TENM2: variants seen among roughly 807,000 people sequenced by gnomAD.
TENM2 encodes the protein teneurin transmembrane protein 2.
Under a neutral mutation model 245.2 loss-of-function variants are expected in TENM2, and 52 were observed. The observed-to-expected ratio is 0.21, with a 90% CI of 0.17 to 0.27. The LOEUF (loss-of-function observed/expected upper bound fraction) is 0.27, where lower values mean the gene tolerates loss of function less well. Among genes scored for constraint, TENM2 ranks in the 10% least tolerant of loss-of-function variants. The pLI, the probability that TENM2 is intolerant of heterozygous loss-of-function variation, is 1.00. For missense variants in TENM2, 3,046 were observed against 3,666.8 expected, an observed-to-expected ratio of 0.83 and a Z score of 4.37; for synonymous variants, 1,363 against 1,438.9, an observed-to-expected ratio of 0.95 and a Z score of 1.19.
At chr5:167,792,101 C>A (rs1765019002) in intron 2 of TENM2, among the ~76,000 whole-genome samples, 1 of 152,256 alleles carries the variant, frequency 6.6e-6, no homozygotes, top group African/African-American at 2.4e-5. Flanking sequence ...AAAAGCAGGT[C>A]AAGACAGCTG....
At chr5:167,524,094 C>T (rs952704423) in intron 2 of TENM2, among the ~76,000 whole-genome samples, 2 of 152,156 alleles carry the variant, frequency 1.3e-5, no homozygotes, top group South Asian at 2.1e-4. Flanking sequence ...TCCATATAGA[C>T]CATAATCCCT....
chr5:167,301,811 C>T (rs1219765788), intron 1 of TENM2, among the ~76,000 whole-genome samples: 1 of 152,006 alleles, frequency 6.6e-6, no homozygotes, highest in East Asian at 1.9e-4. Flanking sequence ...CTCCAGCCAC[C>T]TTTTTAAGAG....
At chr5:167,603,008 T>C (rs1381955897) in intron 2 of TENM2, among the ~76,000 whole-genome samples, 1 of 152,068 alleles carries the variant, frequency 6.6e-6, no homozygotes, top group Non-Finnish European at 1.5e-5. Context: ...ACATCAAGAA[T>C]AAGAATTGTA....
In TENM2 at chr5:167,907,524, A is replaced by AATATATAT. The variant is rs56159044; in HGVS notation, c.712+31370_712+31377dup. Among the ~76,000 whole-genome samples the AATATATAT allele has an allele frequency of 1.4e-3, 107 of 78,232 alleles. 1 individual carries two copies. Among genetic ancestry groups the AATATATAT allele is most frequent in the Non-Finnish European group, 2.0e-3 (72 of 35,544 alleles). The allele number at this position is 78,232 out of a possible 152,430, so 51.3% of individuals were successfully genotyped here. ...TAGTAATTTTGTTTAGATCACCCTA[A>AATATATAT]ATATATATATATATATATATATATA... On this transcript the variant is annotated intron_variant, in intron 3 of 28. Coordinates refer to ENST00000518659, the Ensembl canonical transcript of TENM2.
intron 2 of TENM2, among the ~76,000 whole-genome samples, chr5:167,801,338 G>T (rs1765756622): frequency 6.6e-6 from 1 of 151,590 alleles, no homozygotes; most frequent in Non-Finnish European, 1.5e-5. Context: ...CAATAAGTTG[G>T]TGCCAGCATA....
chr5:168,063,478 G>A (rs1790223944), intron 7 of TENM2, among the ~76,000 whole-genome samples: 1 of 151,862 alleles, frequency 6.6e-6, no homozygotes, highest in Admixed American at 6.6e-5. Context: ...TTCCTGCCTT[G>A]TATGCCCTCA....
At chr5:167,762,283 C>T (rs538247281) in intron 2 of TENM2, among the ~76,000 whole-genome samples, 2 of 152,310 alleles carry the variant, frequency 1.3e-5, no homozygotes, top group Non-Finnish European at 2.9e-5. Context: ...CCCCAAAGAC[C>T]TTTGTTTCAC....
intron 6 of TENM2, among the ~76,000 whole-genome samples, chr5:168,048,406 C>T (rs556318346): frequency 6.6e-6 from 1 of 152,312 alleles, no homozygotes; most frequent in Non-Finnish European, 1.5e-5. Context: ...ATAGCCACTT[C>T]ACCCCCACAT....
At chr5:166,985,342 C>G in the TENM2 span, among the ~76,000 whole-genome samples, 1 of 152,104 alleles carries the variant, frequency 6.6e-6, no homozygotes, top group African/African-American at 2.4e-5. Flanking sequence ...AGGATGCAGA[C>G]AAGAGGAAAA....
At chr5:167,353,674 A>AT (rs947772432) in intron 1 of TENM2, among the ~76,000 whole-genome samples, 2 of 151,004 alleles carry the variant, frequency 1.3e-5, no homozygotes, top group African/African-American at 4.9e-5. Flanking sequence ...CGCCCGGCTA[A>AT]TTTTTTGTAT....
chr5:168,075,919 C>A (rs1315569291), intron 7 of TENM2, among the ~76,000 whole-genome samples: 1 of 152,128 alleles, frequency 6.6e-6, no homozygotes, highest in East Asian at 1.9e-4. Flanking sequence ...GTGACCTATT[C>A]ACTATCATGA....
intron 2 of TENM2, among the ~76,000 whole-genome samples, chr5:167,566,356 C>A (rs1414878459): frequency 6.6e-6 from 1 of 152,112 alleles, no homozygotes; most frequent in East Asian, 1.9e-4. Context: ...GTTGTAATTC[C>A]ATCACATTAC....
chr5:167,299,952 G>T (rs1414310508), intron 1 of TENM2, among the ~76,000 whole-genome samples: 1 of 152,164 alleles, frequency 6.6e-6, no homozygotes, highest in Admixed American at 6.5e-5. Flanking sequence ...TAGAGAGTGA[G>T]TTGAGCATAG....
chr5:167,939,587 T>A (rs999933563), intron 3 of TENM2, among the ~76,000 whole-genome samples: 1 of 152,244 alleles, frequency 6.6e-6, no homozygotes, highest in Admixed American at 6.5e-5. Flanking sequence ...TATAACGTGT[T>A]GATGTTAGCT....
chr5:167,746,708 A>AGC (rs1761600635), intron 2 of TENM2, among the ~76,000 whole-genome samples: 1 of 149,798 alleles, frequency 6.7e-6, no homozygotes, highest in Non-Finnish European at 1.5e-5. Flanking sequence ...AGAGAGAGAG[A>AGC]GAGAGAGCTG....
At chr5:167,505,879 C>T (rs149699586) in intron 2 of TENM2, among the ~76,000 whole-genome samples, 7 of 152,052 alleles carry the variant, frequency 4.6e-5, no homozygotes, top group East Asian at 1.9e-4. Context: ...GTCTGTCTTA[C>T]GGAATTGCTA....
At chr5:167,368,455 A>G (rs546542319) in intron 1 of TENM2, among the ~76,000 whole-genome samples, 6 of 152,160 alleles carry the variant, frequency 3.9e-5, no homozygotes, top group Non-Finnish European at 8.8e-5. Flanking sequence ...TGATGAGTTC[A>G]TTAATTTTCC....
chr5:167,543,036 G>A (rs528569168), intron 2 of TENM2, among the ~76,000 whole-genome samples: 1 of 152,282 alleles, frequency 6.6e-6, no homozygotes, highest in Non-Finnish European at 1.5e-5. Flanking sequence ...GAAATTGTTA[G>A]AAATGCAAGT....
At chr5:167,454,961 G>T (rs977129942) in intron 2 of TENM2, among the ~76,000 whole-genome samples, 7 of 152,168 alleles carry the variant, frequency 4.6e-5, no homozygotes, top group Admixed American at 1.3e-4. Flanking sequence ...GCTGTTACCA[G>T]AAATAAGGGA....
Sources: allele counts gnomAD v4.1 joint callset (sites outside exome capture counted in the v4.1 genomes callset), GRCh38; gene constraint gnomAD v4.1.1; transcripts MANE v1.5; gene names NCBI Gene and HGNC (gene_info 2026-07-23, HGNC 2026-07-21).